DGKH: variants seen among roughly 807,000 people sequenced by gnomAD.
The protein encoded by DGKH is DAG kinase eta.
In DGKH, 90 loss-of-function variants were observed where a neutral mutation model predicts 159.3. That is an observed-to-expected ratio of 0.57 (90% CI 0.48 to 0.67). DGKH has a LOEUF of 0.67. Ranked by LOEUF, DGKH falls within the 30% of genes least tolerant of loss-of-function variation. The pLI is 0.00. For missense variants in DGKH, 1,181 were observed against 1,506.1 expected, an observed-to-expected ratio of 0.78 and a Z score of 3.57; for synonymous variants, 536 against 553.8, an observed-to-expected ratio of 0.97 and a Z score of 0.45.
At position 42,118,652 on chromosome 13, in the gene DGKH, T is replaced by G. The variant is rs149960541; in HGVS notation, c.193-8811T>G. The stretch of plus-strand genomic sequence containing the variant: ...CCTTCCCAGGGCTAATGGTGCTGGA[T>G]GAATGTTGAGATGAATAGATTTCAA... On this transcript the variant is annotated intron_variant, in intron 1 of 29. Transcript: ENST00000337343. 4.1e-3 allele frequency among the ~76,000 whole-genome samples: 619 copies of G among 152,294 alleles called. 8 individuals carry two copies. The highest frequency in any genetic ancestry group is 0.014 in the African/African-American group (569 of 41,560).
At chr13:42,059,194 A>C (rs1456247170) in intron 1 of DGKH, among the ~76,000 whole-genome samples, 9 of 152,028 alleles carry the variant, frequency 5.9e-5, no homozygotes, top group Non-Finnish European at 1.3e-4. Context: ...CTTTTACATA[A>C]TTTAATCTGT....
At chr13:42,256,199 A>G (rs1346334894) in intron 30 of DGKH, 30 of 1,277,898 alleles carry the variant, frequency 2.3e-5, no homozygotes, top group East Asian at 1.8e-4. Context: ...TGGAGGCAGC[A>G]GTGGACATTT....
chr13:42,197,702 C>T (rs888327072), intron 17 of DGKH, among the ~76,000 whole-genome samples: 1 of 151,980 alleles, frequency 6.6e-6, no homozygotes, highest in Non-Finnish European at 1.5e-5. Context: ...GAGAGTGAGA[C>T]TCATCTCTAA....
At chr13:42,226,873 A>T (rs1354935736) in intron 29 of DGKH, among the ~76,000 whole-genome samples, 1 of 148,596 alleles carries the variant, frequency 6.7e-6, no homozygotes, top group South Asian at 2.1e-4. Flanking sequence ...AAAAAAAAAT[A>T]GTAGACTGGA....
intron 5 of DGKH, among the ~76,000 whole-genome samples, chr13:42,158,049 G>A (rs1396567881): frequency 7.9e-5 from 12 of 152,214 alleles, no homozygotes; most frequent in African/African-American, 2.7e-4. Flanking sequence ...GTGAGCCACT[G>A]TGCCTGGCCT....
intron 1 of DGKH, among the ~76,000 whole-genome samples, chr13:42,067,171 T>A (rs4318109): frequency 0.22 from 33,250 of 152,028 alleles, 4,722 homozygotes; most frequent in Admixed American, 0.34. Context: ...TAATCTAGAG[T>A]TGTAGTGACT....
At chr13:42,096,552 C>T (rs927952442) in intron 1 of DGKH, among the ~76,000 whole-genome samples, 1 of 152,140 alleles carries the variant, frequency 6.6e-6, no homozygotes, top group African/African-American at 2.4e-5. Context: ...TGAGAGACTT[C>T]AAATTTAATT....
intron 8 of DGKH, among the ~76,000 whole-genome samples, chr13:42,165,967 A>T (rs1365440234): frequency 6.6e-6 from 1 of 152,108 alleles, no homozygotes; most frequent in African/African-American, 2.4e-5. Flanking sequence ...TTTACCATGT[A>T]TAATGCTATG....
At chr13:42,245,453 T>C (rs906989912), downstream of DGKH, among the ~76,000 whole-genome samples, 2 of 152,194 alleles carry the variant, frequency 1.3e-5, no homozygotes, top group East Asian at 1.9e-4. Flanking sequence ...CACCTATAGA[T>C]TGAATGCAAT....
intron 1 of DGKH, among the ~76,000 whole-genome samples, chr13:42,093,168 C>G (rs949234525): frequency 3.3e-5 from 5 of 150,780 alleles, no homozygotes; most frequent in South Asian, 2.1e-4. Flanking sequence ...TACCTGAGCC[C>G]GGAAGATGGA....
chr13:42,204,006 G>A (rs1417209455), intron 20 of DGKH, among the ~76,000 whole-genome samples: 3 of 151,998 alleles, frequency 2.0e-5, no homozygotes, highest in Admixed American at 2.0e-4. Flanking sequence ...TCTATGAAAT[G>A]GACATTAAGC....
At chr13:42,115,229 A>G (rs1050560959) in intron 1 of DGKH, among the ~76,000 whole-genome samples, 6 of 152,238 alleles carry the variant, frequency 3.9e-5, no homozygotes, top group Non-Finnish European at 8.8e-5. Context: ...GAATTCCTCC[A>G]GTTGTTATCA....
chr13:42,134,195 G>T (rs1165412396), intron 3 of DGKH, among the ~76,000 whole-genome samples: 1 of 152,218 alleles, frequency 6.6e-6, no homozygotes, highest in Non-Finnish European at 1.5e-5. Context: ...GATTGACCTA[G>T]CCTGGGAAGT....
chr13:42,138,811 C>A (rs989413346), intron 3 of DGKH, among the ~76,000 whole-genome samples: 16 of 152,106 alleles, frequency 1.1e-4, no homozygotes, highest in Non-Finnish European at 1.8e-4. Context: ...CATATTTTAA[C>A]ATTTATATTA....
At position 42,228,242 on chromosome 13, in the gene DGKH, C is replaced by T. The variant is rs181856699; in HGVS notation, c.3574-857C>T. On this transcript the variant is annotated intron_variant, in intron 29 of 29. Transcript: ENST00000337343. The stretch of plus-strand genomic sequence containing the variant: ...AAAGTTAAATATTGAATTCTTGGCA[C>T]TTATAAGAAGAAGTTTCTTTAAGAA... Among the ~76,000 whole-genome samples, 536 of 148,066 alleles carry T rather than the reference C, an allele frequency of 3.6e-3. 7 individuals are homozygous for T. The East Asian group carries it at 0.048, about 13-fold the overall frequency.
intron 1 of DGKH, among the ~76,000 whole-genome samples, chr13:42,072,418 TG>T (rs1252116276): frequency 6.6e-6 from 1 of 152,220 alleles, no homozygotes; most frequent in Non-Finnish European, 1.5e-5. Context: ...TTTAGAACTG[TG>T]GCTGGAACAT....
At chr13:42,181,128 T>C (rs1956744670) in intron 13 of DGKH, among the ~76,000 whole-genome samples, 1 of 151,612 alleles carries the variant, frequency 6.6e-6, no homozygotes, top group Non-Finnish European at 1.5e-5. Context: ...TACAAAAAAA[T>C]TAGCCGGGCG....
chr13:42,106,810 G>A (rs758115121), intron 1 of DGKH, among the ~76,000 whole-genome samples: 1 of 152,144 alleles, frequency 6.6e-6, no homozygotes, highest in Admixed American at 6.5e-5. Context: ...TTGGAAGGCC[G>A]AGGCGGGTGG....
chr13:42,172,470 A>T (rs73187294), intron 11 of DGKH, among the ~76,000 whole-genome samples: 1 of 152,116 alleles, frequency 6.6e-6, no homozygotes, highest in Non-Finnish European at 1.5e-5. Context: ...ATGTATGTCT[A>T]TTGGGGGGCT....
Sources: allele counts gnomAD v4.1 joint callset (sites outside exome capture counted in the v4.1 genomes callset), GRCh38; gene constraint gnomAD v4.1.1; transcripts MANE v1.5; gene names NCBI Gene and HGNC (gene_info 2026-07-23, HGNC 2026-07-21).